PDE10A: variants seen among roughly 807,000 people sequenced by gnomAD.
The protein encoded by PDE10A is phosphodiesterase 10A, also known as cAMP and cAMP-inhibited cGMP 3',5'-cyclic phosphodiesterase 10A.
A neutral mutation model predicts 97.7 loss-of-function variants in PDE10A; 39 were observed. That is an observed-to-expected ratio of 0.40 (90% CI 0.31 to 0.52). PDE10A has a LOEUF of 0.52. Among genes scored for constraint, PDE10A ranks in the 20% least tolerant of loss-of-function variants. PDE10A has a pLI of 0.56. For synonymous variants in PDE10A, 371 were observed against 376.8 expected (o/e 0.98, Z 0.18); for missense variants, 731 against 1,047.8 (o/e 0.70, Z 4.17).
chr6:165,727,879 C>T (rs1792337800), intron 1 of PDE10A, among the ~76,000 whole-genome samples: 1 of 152,032 alleles, frequency 6.6e-6, no homozygotes, highest in South Asian at 2.1e-4. Context: ...TCTAAGGCTG[C>T]TTTGTAAGTT....
chr6:165,624,567 C>T (rs1484591550), intron 1 of PDE10A, among the ~76,000 whole-genome samples: 2 of 152,146 alleles, frequency 1.3e-5, no homozygotes, highest in East Asian at 3.9e-4. Flanking sequence ...TTCAAAATTC[C>T]AGCCCCTAAG....
chr6:165,370,175 G>A (rs145683765), intron 18 of PDE10A, among the ~76,000 whole-genome samples: 1 of 151,106 alleles, frequency 6.6e-6, no homozygotes, highest in Non-Finnish European at 1.5e-5. Flanking sequence ...ATCAACTAAC[G>A]AGCAAAATAA....
rs10711465 is a variant in PDE10A, at chr6:165,438,956, T to TA, written c.1195-3580dup. Among the ~76,000 whole-genome samples the TA allele has an allele frequency of 1.3e-3, 179 of 132,778 alleles. 1 individual carries two copies. The highest frequency in any genetic ancestry group is 3.9e-3 in the Middle Eastern group (1 of 258). 87.1% of individuals were successfully genotyped at this position (132,778 alleles called of 152,430 possible). The stretch of plus-strand genomic sequence containing the variant: ...TTGGGTGACAGAGTGAGACCCTGCT[T>TA]AAAAAAAAAAAAAAAAAAGATATAT... On this transcript the variant is annotated intron_variant, in intron 5 of 21. Transcript: ENST00000539869.
intron 1 of PDE10A, among the ~76,000 whole-genome samples, chr6:165,583,604 T>C (rs762706377): frequency 6.6e-6 from 1 of 152,186 alleles, no homozygotes; most frequent in African/African-American, 2.4e-5. Flanking sequence ...CCCACGATCA[T>C]GGAATTCACT....
At chr6:165,981,245 C>T (rs1448311962) in intron 1 of PDE10A, among the ~76,000 whole-genome samples, 1 of 152,124 alleles carries the variant, frequency 6.6e-6, no homozygotes, top group Non-Finnish European at 1.5e-5. Context: ...AGAGAGTATC[C>T]TCCCAGTTAG....
chr6:165,658,042 G>C (rs1790053442), intron 1 of PDE10A, among the ~76,000 whole-genome samples: 1 of 152,156 alleles, frequency 6.6e-6, no homozygotes, highest in African/African-American at 2.4e-5. Context: ...TGAGTTAGCT[G>C]TTGGCTGATT....
chr6:165,549,431 T>C (rs1192260979), intron 1 of PDE10A, among the ~76,000 whole-genome samples: 2 of 151,668 alleles, frequency 1.3e-5, no homozygotes, highest in African/African-American at 2.4e-5. Flanking sequence ...TTTAAGGGAG[T>C]CTCCTGCCTC....
At chr6:165,458,716 T>C (rs1436479713) in intron 3 of PDE10A, among the ~76,000 whole-genome samples, 1 of 152,026 alleles carries the variant, frequency 6.6e-6, no homozygotes, top group African/African-American at 2.4e-5. Flanking sequence ...ATAAATATGT[T>C]TTAATATTTT....
In PDE10A at chr6:165,337,021, A is replaced by C. The variant is rs190935653; in HGVS notation, c.2977-810T>G. Among the ~76,000 whole-genome samples, 230 of 151,980 alleles carry C rather than the reference A, an allele frequency of 1.5e-3. 1 individual carries two copies. The highest frequency in any genetic ancestry group is 5.2e-3 in the African/African-American group (214 of 41,450). ...TTGGTGCCTTGTGTGGTGTCCCAAT[A>C]TTTACTCATCCTCCCAGCCCTCTTA... On this transcript the variant is annotated intron_variant, in intron 20 of 21. Coordinates refer to ENST00000539869, the MANE Select transcript of PDE10A (RefSeq NM_001385079.1).
intron 1 of PDE10A, among the ~76,000 whole-genome samples, chr6:165,705,051 A>G (rs1791673359): frequency 6.6e-6 from 1 of 152,152 alleles, no homozygotes; most frequent in Admixed American, 6.5e-5. Context: ...CCCTGTTCCC[A>G]CACAGGGTGC....
chr6:165,621,340 G>C (rs2182961), intron 1 of PDE10A, among the ~76,000 whole-genome samples: 29,528 of 150,928 alleles, frequency 0.2, 4,352 homozygotes, highest in African/African-American at 0.42. Flanking sequence ...TTAAAGCATT[G>C]CCTATAATGC....
chr6:165,542,713 G>A (rs1439745780), intron 2 of PDE10A, among the ~76,000 whole-genome samples: 1 of 149,018 alleles, frequency 6.7e-6, no homozygotes, highest in Non-Finnish European at 1.5e-5. Context: ...CCGCCTCCCG[G>A]GTTCACGCCA....
intron 1 of PDE10A, among the ~76,000 whole-genome samples, chr6:165,657,880 A>C (rs1790045150): frequency 6.6e-6 from 1 of 152,188 alleles, no homozygotes; most frequent in Non-Finnish European, 1.5e-5. Flanking sequence ...TCACGTCCAC[A>C]CCCTGGCTCT....
chr6:165,796,181 C>T (rs773831795), intron 1 of PDE10A, among the ~76,000 whole-genome samples: 2 of 149,606 alleles, frequency 1.3e-5, no homozygotes, highest in South Asian at 2.1e-4. Context: ...CTGCCAGCTC[C>T]GCCTCCCGAG....
At chr6:165,482,439 T>A in intron 2 of PDE10A, 96 bp from the exon 3 acceptor site, 1 of 919,078 alleles carries the variant, frequency 1.1e-6, no homozygotes. Flanking sequence ...ACTTGAAGGG[T>A]TTTTTTGCAA....
chr6:165,620,069 G>C (rs3008023), intron 1 of PDE10A, among the ~76,000 whole-genome samples: 5 of 151,640 alleles, frequency 3.3e-5, no homozygotes, highest in African/African-American at 1.2e-4. Flanking sequence ...CCACATTTCT[G>C]TCTTTCCCTA....
chr6:165,336,668 C>G (rs111909033), intron 20 of PDE10A, among the ~76,000 whole-genome samples: 17,299 of 147,946 alleles, frequency 0.12, 1,282 homozygotes, highest in Middle Eastern at 0.23. Context: ...ACAATGGCGT[C>G]AACCCGGGAA....
intron 5 of PDE10A, among the ~76,000 whole-genome samples, chr6:165,446,422 CAA>C (rs1005794970): frequency 5.3e-5 from 8 of 152,086 alleles, no homozygotes; most frequent in African/African-American, 1.9e-4. Flanking sequence ...ATTTCTCAGC[CAA>C]AGTCTTCTTC....
intron 18 of PDE10A, among the ~76,000 whole-genome samples, chr6:165,356,256 A>G (rs2128189546): frequency 6.6e-6 from 1 of 152,260 alleles, no homozygotes; most frequent in East Asian, 1.9e-4. Context: ...AACAACTGAT[A>G]ATGTTGGTCT....
Sources: allele counts gnomAD v4.1 joint callset (sites outside exome capture counted in the v4.1 genomes callset), GRCh38; gene constraint gnomAD v4.1.1; transcripts MANE v1.5; gene names NCBI Gene and HGNC (gene_info 2026-07-23, HGNC 2026-07-21).